CSMD1: variants seen among roughly 807,000 people sequenced by gnomAD.
The protein encoded by CSMD1 is CUB and sushi domain-containing protein 1.
A neutral mutation model predicts 417.5 loss-of-function variants in CSMD1; 213 were observed. The ratio of observed to expected loss-of-function variants is 0.51; its 90% CI spans 0.46 to 0.57. The LOEUF is 0.57. CSMD1 is among the 20% of genes least tolerant of loss of function. The probability of loss-of-function intolerance (pLI) is 0.00; values close to 1 mark genes in which losing one functional copy is unlikely to be tolerated. For missense variants in CSMD1, 6,923 were observed against 4,529.7 expected, an observed-to-expected ratio of 1.53 and a Z score of -15.17; for synonymous variants, 2,862 against 1,736.8, an observed-to-expected ratio of 1.65 and a Z score of -16.11.
At chr8:3,221,066 C>G (rs1457697164) in intron 28 of CSMD1, among the ~76,000 whole-genome samples, 3 of 152,038 alleles carry the variant, frequency 2.0e-5, no homozygotes, top group Non-Finnish European at 2.9e-5. Context: ...CTAAAATGTT[C>G]TAGGTGGCTC....
intron 2 of CSMD1, among the ~76,000 whole-genome samples, chr8:4,608,100 A>G (rs980414063): frequency 6.6e-6 from 1 of 152,162 alleles, no homozygotes; most frequent in Middle Eastern, 3.2e-3. Flanking sequence ...GAAACCAACA[A>G]CAAGGTGACC....
rs778779956 is a variant in CSMD1, at chr8:3,307,759, C to G, written c.3886G>C (p.Ala1296Pro). ...CAGTGGAGGTTGTTGTCATACGGAG[C>G]TGGATAGCCAGGGGACAATATTCGT... The part of the protein sequence containing the change: ...SGRILSPGYP[A>P]PYDNNLHCTW... Residue 1296 changes from alanine (A) to proline (P), a missense_variant, in exon 25 of 70, where the codon GCT becomes CCT. Ala to Pro is a conservative substitution (Grantham distance 27, BLOSUM62 -1). Coordinates refer to ENST00000635120, the MANE Select transcript of CSMD1 (RefSeq NM_033225.6). 1 of 1,613,718 alleles carries G rather than the reference C, an allele frequency of 6.2e-7. No homozygotes were observed. The highest frequency in any genetic ancestry group is 1.1e-5 in the South Asian group (1 of 91,070).
Position 2,966,647 on chromosome 8 carries a change from C to G in CSMD1, c.9023G>C (p.Gly3008Ala), listed in dbSNP as rs1264186331. ...SSSVIYACWEGYKTSGLMTRH... is the reference protein window; with the variant it reads ...SSSVIYACWEAYKTSGLMTRH... The stretch of plus-strand genomic sequence containing the variant: ...TGTCATGAGCCCTGAGGTCTTGTAG[C>G]CTTCCCAGCAGGCATAGATGACCGA... The change falls in exon 58 of 70, where the codon GGC becomes GCC. Residue 3008 changes from glycine (G) to alanine (A), a missense_variant. Coordinates refer to ENST00000635120, the MANE Select transcript of CSMD1 (RefSeq NM_033225.6). 1.2e-6 allele frequency: 2 copies of G among 1,613,606 alleles called. No homozygotes were observed. The highest frequency in any genetic ancestry group is 1.7e-6 in the Non-Finnish European group (2 of 1,179,774).
intron 6 of CSMD1, among the ~76,000 whole-genome samples, chr8:3,733,660 G>C (rs1438221757): frequency 6.6e-6 from 1 of 152,088 alleles, no homozygotes; most frequent in Non-Finnish European, 1.5e-5. Context: ...CCTGCTGTTT[G>C]CACCGCCTGC....
intron 1 of CSMD1, among the ~76,000 whole-genome samples, chr8:4,872,328 C>G (rs1802781365): frequency 6.6e-6 from 1 of 152,006 alleles, no homozygotes; most frequent in Non-Finnish European, 1.5e-5. Flanking sequence ...ATTATAATCC[C>G]CATCATCTCC....
chr8:3,309,874 G>A (rs901361174), intron 23 of CSMD1, among the ~76,000 whole-genome samples: 3 of 152,154 alleles, frequency 2.0e-5, no homozygotes, highest in Admixed American at 2.0e-4. Flanking sequence ...TTGTATAGGA[G>A]AAAGAGGACA....
At chr8:3,743,960 G>C (rs755778721) in intron 6 of CSMD1, among the ~76,000 whole-genome samples, 7 of 152,258 alleles carry the variant, frequency 4.6e-5, no homozygotes, top group South Asian at 2.1e-4. Context: ...CCCAGACAGA[G>C]GCATGAATGA....
chr8:3,867,099 T>A (rs1194196379), intron 5 of CSMD1, among the ~76,000 whole-genome samples: 1 of 152,202 alleles, frequency 6.6e-6, no homozygotes, highest in Non-Finnish European at 1.5e-5. Context: ...TGTAACCATT[T>A]TGATTGATTG....
At chr8:4,056,210 T>C (rs1798682554) in intron 3 of CSMD1, among the ~76,000 whole-genome samples, 1 of 150,426 alleles carries the variant, frequency 6.6e-6, no homozygotes, top group Admixed American at 6.7e-5. Flanking sequence ...GCCTCCCGAG[T>C]AGCTGGGATT....
intron 33 of CSMD1, among the ~76,000 whole-genome samples, chr8:3,190,479 G>A (rs867916792): frequency 6.6e-6 from 1 of 152,126 alleles, no homozygotes; most frequent in Non-Finnish European, 1.5e-5. Flanking sequence ...TAATCATCCT[G>A]CTAGTGATAA....
chr8:4,110,333 G>A (rs1298391521), intron 3 of CSMD1, among the ~76,000 whole-genome samples: 1 of 152,004 alleles, frequency 6.6e-6, no homozygotes, highest in Non-Finnish European at 1.5e-5. Flanking sequence ...TGAATTTTTG[G>A]CCTCTAACTT....
chr8:4,945,922 T>C (rs777701422), intron 1 of CSMD1, among the ~76,000 whole-genome samples: 17 of 152,068 alleles, frequency 1.1e-4, no homozygotes, highest in Non-Finnish European at 2.2e-4. Flanking sequence ...AAACAGAATG[T>C]TATCAAACTC....
At chr8:4,086,449 C>G (rs1800424314) in intron 3 of CSMD1, among the ~76,000 whole-genome samples, 2 of 152,184 alleles carry the variant, frequency 1.3e-5, no homozygotes, top group African/African-American at 4.8e-5. Flanking sequence ...ACTACTATTA[C>G]TACACTCTAA....
Position 3,721,012 on chromosome 8 carries a change from G to A in CSMD1, c.932-12521C>T, listed in dbSNP as rs7823431. Among the ~76,000 whole-genome samples the A allele has an allele frequency of 5.1e-3, 774 of 151,976 alleles. 1 individual carries two copies. Among genetic ancestry groups the A allele is most frequent in the African/African-American group, 0.015 (609 of 41,418 alleles). On this transcript the variant is annotated intron_variant, in intron 6 of 69. Transcript: ENST00000635120. ...TTTTTTTTGTATTTTTAGTACAGAC[G>A]GGGTTTCACCATGTTAGTCACGCTG...
chr8:4,219,668 G>C (rs17069552), intron 3 of CSMD1, among the ~76,000 whole-genome samples: 7,353 of 152,260 alleles, frequency 0.048, 192 homozygotes, highest in East Asian at 0.093. Context: ...GAGATCATTT[G>C]GATAATACTG....
intron 3 of CSMD1, among the ~76,000 whole-genome samples, chr8:4,390,521 A>ATTTATTTATTTATTTATTTT: frequency 1.3e-5 from 2 of 150,064 alleles, no homozygotes; most frequent in Admixed American, 6.7e-5. Flanking sequence ...TTATTTATTT[A>ATTTATTTATTTATTTATTTT]TTTATTTTTT....
intron 3 of CSMD1, among the ~76,000 whole-genome samples, chr8:4,192,947 T>TA (rs1470976310): frequency 6.6e-6 from 1 of 152,222 alleles, no homozygotes; most frequent in African/African-American, 2.4e-5. Context: ...TACGTGGTGC[T>TA]ACCCTTCCTA....
chr8:4,206,359 C>T (rs547072250), intron 3 of CSMD1, among the ~76,000 whole-genome samples: 32 of 152,192 alleles, frequency 2.1e-4, no homozygotes, highest in African/African-American at 7.0e-4. Flanking sequence ...CCCAACCCAC[C>T]ACAGGCCCCG....
chr8:4,373,296 GGAACATTAGGTAATAACCAAAGAAAGT>G lies in CSMD1; in HGVS notation c.415+46630_415+46656del, dbSNP rs553522824. Reference sequence around the variant, plus strand: ...TCAAGTGTGATCCAGGGACAGAAAGGGAACATTAGGTAATAACCAAAGAAAGTATGCGACATAGGATTTTTAGTTAAT... The same window carrying G: ...TCAAGTGTGATCCAGGGACAGAAAGGATGCGACATAGGATTTTTAGTTAAT... On this transcript the variant is annotated intron_variant, in intron 3 of 69. Coordinates refer to ENST00000635120, the MANE Select transcript of CSMD1 (RefSeq NM_033225.6). Among the ~76,000 whole-genome samples the G allele has an allele frequency of 9.6e-3, 1,463 of 152,234 alleles. 13 individuals are homozygous for G. Among genetic ancestry groups the G allele is most frequent in the Non-Finnish European group, 0.014 (953 of 68,014 alleles).
Sources: allele counts gnomAD v4.1 joint callset (sites outside exome capture counted in the v4.1 genomes callset), GRCh38; gene constraint gnomAD v4.1.1; transcripts MANE v1.5; gene names NCBI Gene and HGNC (gene_info 2026-07-23, HGNC 2026-07-21).